Variants in ZNF536 observed in about 807,000 individuals in gnomAD.
ZNF536 encodes the protein zinc finger protein 536.
Under a neutral mutation model 84.5 loss-of-function variants are expected in ZNF536, and 13 were observed. That is an observed-to-expected ratio of 0.15 (90% CI 0.10 to 0.24). The LOEUF (loss-of-function observed/expected upper bound fraction) is 0.24. Ranked by LOEUF, ZNF536 falls within the 10% of genes least tolerant of loss-of-function variation. The pLI is 1.00. For synonymous variants in ZNF536, 811 were observed against 742.5 expected (o/e 1.09, Z -1.50); for missense variants, 1,536 against 1,747.5 (o/e 0.88, Z 2.16).
intron 1 of ZNF536, among the ~76,000 whole-genome samples, chr19:30,239,635 T>C (rs2023794167): frequency 6.6e-6 from 1 of 152,210 alleles, no homozygotes; most frequent in Admixed American, 6.5e-5. Flanking sequence ...GGGAATTATT[T>C]TGCTTCTTAA....
intron 1 of ZNF536, among the ~76,000 whole-genome samples, chr19:30,267,938 G>A (rs963557640): frequency 6.6e-6 from 1 of 151,960 alleles, no homozygotes; most frequent in African/African-American, 2.4e-5. Flanking sequence ...ACGGAATACA[G>A]CTTATTTGTT....
chr19:30,415,397 CCTT>C (rs1018698131), intron 1 of ZNF536, among the ~76,000 whole-genome samples: 1 of 149,996 alleles, frequency 6.7e-6, no homozygotes. Context: ...TTCTTCTCCT[CCTT>C]CTCTTTTTTT....
chr19:30,605,099 G>A (rs1050443455), intron 1 of ZNF536, among the ~76,000 whole-genome samples: 1 of 152,196 alleles, frequency 6.6e-6, no homozygotes, highest in African/African-American at 2.4e-5. Context: ...GTCTCCGCTG[G>A]AGGAACTCAT....
rs546291365 is a variant in ZNF536, at chr19:30,653,591, T to G, written c.170-57166T>G. 2.0e-5 allele frequency among the ~76,000 whole-genome samples: 3 copies of G among 152,228 alleles called. No individual in the cohort carries two copies. The East Asian group carries it at 5.8e-4, about 29-fold the overall frequency. ...AAACTAGAATGTCTGGGACAAGAGA[T>G]AGAAGAGAGGTGGGATCCGCTCCCT... On this transcript the variant is annotated intron_variant, in intron 1 of 1. Coordinates refer to the ZNF536 transcript ENST00000592773.
intron 2 of ZNF536, among the ~76,000 whole-genome samples, chr19:30,485,740 CTG>C (rs995276254): frequency 3.3e-5 from 5 of 151,898 alleles, no homozygotes; most frequent in Non-Finnish European, 7.4e-5. Context: ...GGATTAATTA[CTG>C]TGTTTGTAAA....
chr19:30,469,523 G>C (rs1436940872), intron 2 of ZNF536, among the ~76,000 whole-genome samples: 1 of 152,138 alleles, frequency 6.6e-6, no homozygotes, highest in African/African-American at 2.4e-5. Flanking sequence ...CTCAAAGGGA[G>C]AGCATTACAA....
At chr19:30,697,389 T>C (rs575131243) in intron 1 of ZNF536, among the ~76,000 whole-genome samples, 4 of 152,196 alleles carry the variant, frequency 2.6e-5, no homozygotes, top group Admixed American at 2.6e-4. Flanking sequence ...ACATCTCCCA[T>C]TTGAAGTTCA....
intron 1 of ZNF536, chr19:30,710,708 C>G (rs1003587659): frequency 1.3e-5 from 2 of 152,196 alleles, no homozygotes; most frequent in African/African-American, 4.8e-5. Context: ...CCCTGGGGGC[C>G]AGGAAGGTGT....
intron 2 of ZNF536, among the ~76,000 whole-genome samples, chr19:30,348,178 ATACATTTGTTCATGTATGCATTTGT>A (rs2047809998): frequency 6.6e-6 from 1 of 152,172 alleles, no homozygotes; most frequent in African/African-American, 2.4e-5. Flanking sequence ...TCACCTCTTC[ATACATTTGTTCATGTATGCATTTGT>A]TAGTTCCTTC....
chr19:30,427,567 G>A (rs563360194), intron 1 of ZNF536, among the ~76,000 whole-genome samples: 6 of 152,054 alleles, frequency 3.9e-5, no homozygotes, highest in South Asian at 2.1e-4. Context: ...TATCTCAGCC[G>A]GTTGGCTTTC....
At chr19:30,465,249 C>T (rs544226300) in intron 2 of ZNF536, among the ~76,000 whole-genome samples, 42 of 152,256 alleles carry the variant, frequency 2.8e-4, no homozygotes, top group African/African-American at 1.0e-3. Flanking sequence ...GGCCTGCTCT[C>T]CCCGCAGACC....
Position 30,598,447 on chromosome 19 carries a change from G to A in ZNF536, c.169+48933G>A, listed in dbSNP as rs190292615. Among the ~76,000 whole-genome samples the A allele has an allele frequency of 1.3e-4, 20 of 152,182 alleles. No homozygotes were observed. In the East Asian group the frequency reaches 1.9e-3, roughly 15 times the overall value. On this transcript the variant is annotated intron_variant, in intron 1 of 1. Transcript: ENST00000592773. ...GAGCCACATAAATAATTTTGAAAGC[G>A]CCTCTATAAAGCCACACCAAATATA... is the stretch of plus-strand genomic sequence containing the variant.
intron 1 of ZNF536, among the ~76,000 whole-genome samples, chr19:30,644,199 G>T (rs2049373888): frequency 6.6e-6 from 1 of 152,154 alleles, no homozygotes; most frequent in Non-Finnish European, 1.5e-5. Context: ...GGTGCATTTT[G>T]ATCTGCTATG....
chr19:30,504,539 A>G (rs1305664031), intron 2 of ZNF536, among the ~76,000 whole-genome samples: 1 of 33,878 alleles, frequency 3.0e-5, no homozygotes, highest in African/African-American at 1.2e-4. Context: ...CCTCTGACCC[A>G]CTCATCCTCC....
rs139931776 is a variant in ZNF536 at position 30,408,779 on chromosome 19, A to G, written c.-2-34782A>G. 6.7e-3 allele frequency among the ~76,000 whole-genome samples: 1,009 copies of G among 151,030 alleles called. 13 individuals are homozygous for G. Among genetic ancestry groups the G allele is most frequent in the African/African-American group, 0.024 (980 of 41,096 alleles). ...CATCCATCCATCTATCCTTCCATCT[A>G]TTCATACATCTATCCTTCCATCTAT... On this transcript the variant is annotated intron_variant, in intron 1 of 4. Transcript: ENST00000355537.
At chr19:30,643,773 G>A (rs760309038) in intron 1 of ZNF536, among the ~76,000 whole-genome samples, 3 of 152,022 alleles carry the variant, frequency 2.0e-5, no homozygotes, top group Non-Finnish European at 4.4e-5. Flanking sequence ...GAGTTGCGTT[G>A]GGGGGTGGTG....
rs570774382 is a variant in ZNF536 at position 30,431,009 on chromosome 19, G to A, written c.-2-12552G>A. On this transcript the variant is annotated intron_variant, in intron 1 of 4. Coordinates refer to ENST00000355537, the MANE Select transcript of ZNF536 (RefSeq NM_014717.3). ...TCCTTTTTCAAAACACTAATAGGTT[G>A]AAGCAAGATGAACTGGAGGGTTATC... Among the ~76,000 whole-genome samples the A allele has an allele frequency of 2.6e-5, 4 of 152,182 alleles. No homozygotes were observed. The South Asian group carries it at 8.3e-4, about 32-fold the overall frequency.
intron 1 of ZNF536, among the ~76,000 whole-genome samples, chr19:30,638,186 T>C (rs1165082520): frequency 6.6e-6 from 1 of 152,256 alleles, no homozygotes; most frequent in East Asian, 1.9e-4. Flanking sequence ...CCAGGGTGGC[T>C]GGTCTTTCTC....
intron 1 of ZNF536, among the ~76,000 whole-genome samples, chr19:30,651,843 A>C (rs796609236): frequency 2.6e-5 from 4 of 152,376 alleles, no homozygotes; most frequent in African/African-American, 9.6e-5. Flanking sequence ...CAGTGTCTAA[A>C]GGAACTACTC....
Sources: gnomAD v4.1 joint callset for allele counts (sites outside exome capture counted in the v4.1 genomes callset) on GRCh38, gnomAD v4.1.1 for gene constraint, MANE v1.5 for transcripts, NCBI Gene and HGNC (gene_info 2026-07-23, HGNC 2026-07-21) for gene names.